Variants in KCNIP1 observed in about 807,000 individuals in gnomAD.
KCNIP1 encodes the protein potassium voltage-gated channel interacting protein 1.
KCNIP1 carries 18 observed loss-of-function variants against 33.0 expected under a neutral mutation model. The observed-to-expected ratio is 0.55, with a 90% CI of 0.38 to 0.81. KCNIP1 has a LOEUF of 0.81. Among genes scored for constraint, KCNIP1 ranks in the 30% least tolerant of loss-of-function variants. The probability of loss-of-function intolerance (pLI) is 0.00; values close to 1 mark genes in which losing one functional copy is unlikely to be tolerated. For missense variants in KCNIP1, 238 were observed against 271.6 expected (o/e 0.88, Z 0.87); for synonymous variants, 93 against 98.3 (o/e 0.95, Z 0.32).
intron 1 of KCNIP1, among the ~76,000 whole-genome samples, chr5:170,527,548 C>T (rs1755626453): frequency 6.6e-6 from 1 of 151,776 alleles, no homozygotes; most frequent in Non-Finnish European, 1.5e-5. Flanking sequence ...GCCAAGTGCA[C>T]CCATCAGCCA....
At chr5:170,405,191 G>T (rs1312147743) in intron 1 of KCNIP1, among the ~76,000 whole-genome samples, 3 of 144,344 alleles carry the variant, frequency 2.1e-5, no homozygotes, top group Non-Finnish European at 4.6e-5. Flanking sequence ...AGAGAAAAGG[G>T]ATTTTCTTTT....
At chr5:170,669,382 C>T in intron 1 of KCNIP1, 1 of 233,916 alleles carries the variant, frequency 4.3e-6, no homozygotes, top group Non-Finnish European at 7.0e-6. Flanking sequence ...AATGTATACA[C>T]TACTACTCAC....
In KCNIP1 at chr5:170,504,730, C is replaced by A; in HGVS notation, c.61+97C>A. 1 of 1,032,856 alleles carries A rather than the reference C, an allele frequency of 9.7e-7. No homozygotes were observed. Among genetic ancestry groups the A allele is most frequent in the Non-Finnish European group, 1.5e-6 (1 of 659,838 alleles). 64.0% of individuals were successfully genotyped at this position (1,032,856 alleles called of 1,614,324 possible). ...CCTGCCTCCCTTAGTCCGGACTCTC[C>A]TCTCCACGAGGAGCCCGGACAGGTG... On this transcript the variant is annotated intron_variant, in intron 1 of 7. Coordinates refer to ENST00000328939, the MANE Select transcript of KCNIP1 (RefSeq NM_014592.4). This position sits in a 1 kb window ranked among gnomAD's most constrained non-coding sequence, Gnocchi z 6.0.
At position 170,426,992 on chromosome 5, in the gene KCNIP1, G is replaced by C. The variant is rs111953013; in HGVS notation, c.88+73028G>C. Reference sequence around the variant, plus strand: ...GGACCAGCTCCACAGGGAGAGGGAAGAGGCCTCCTTTCAGGGGTGGGGAGC... The same window carrying C: ...GGACCAGCTCCACAGGGAGAGGGAACAGGCCTCCTTTCAGGGGTGGGGAGC... On this transcript the variant is annotated intron_variant, in intron 1 of 7. Coordinates refer to the KCNIP1 transcript ENST00000377360. Among the ~76,000 whole-genome samples the C allele has an allele frequency of 1.1e-3, 174 of 152,376 alleles. 1 individual carries two copies. Among genetic ancestry groups the C allele is most frequent in the African/African-American group, 3.9e-3 (163 of 41,600 alleles).
intron 1 of KCNIP1, among the ~76,000 whole-genome samples, chr5:170,402,701 G>A (rs980944273): frequency 6.6e-6 from 1 of 152,168 alleles, no homozygotes; most frequent in Admixed American, 6.5e-5. Flanking sequence ...CAGCTGCAAG[G>A]GAGTCTGGGA....
At chr5:170,492,062 A>G (rs755300387) in intron 1 of KCNIP1, among the ~76,000 whole-genome samples, 1 of 152,072 alleles carries the variant, frequency 6.6e-6, no homozygotes, top group Non-Finnish European at 1.5e-5. Flanking sequence ...CAACAATTCA[A>G]TCCAGTTCTG....
At chr5:170,405,185 A>G (rs1755002710) in intron 1 of KCNIP1, among the ~76,000 whole-genome samples, 1 of 147,300 alleles carries the variant, frequency 6.8e-6, no homozygotes, top group East Asian at 2.0e-4. Context: ...CCACAGAGAG[A>G]AAAGGGATTT....
chr5:170,677,298 A>C (rs578011885), intron 1 of KCNIP1, among the ~76,000 whole-genome samples: 2 of 152,186 alleles, frequency 1.3e-5, no homozygotes, highest in Non-Finnish European at 2.9e-5. Flanking sequence ...TTAAGAGTCA[A>C]TGTAGGCTTC....
At chr5:170,561,406 C>T (rs1057038422) in intron 1 of KCNIP1, among the ~76,000 whole-genome samples, 1 of 152,170 alleles carries the variant, frequency 6.6e-6, no homozygotes, top group African/African-American at 2.4e-5. Flanking sequence ...AGGGGGAGGA[C>T]TCTTGGAACA....
chr5:170,515,579 A>T (rs1198535265), intron 1 of KCNIP1, among the ~76,000 whole-genome samples: 2 of 152,244 alleles, frequency 1.3e-5, no homozygotes, highest in Admixed American at 6.5e-5. Context: ...ACTTGGTTTT[A>T]TGTAAGCCTT....
intron 1 of KCNIP1, among the ~76,000 whole-genome samples, chr5:170,583,259 C>G (rs1757864971): frequency 1.3e-5 from 2 of 152,230 alleles, no homozygotes; most frequent in Non-Finnish European, 2.9e-5. Flanking sequence ...CCACTAGCAT[C>G]TAAGTTTATC....
chr5:170,513,720 A>G (rs538434957), intron 1 of KCNIP1, among the ~76,000 whole-genome samples: 2 of 152,240 alleles, frequency 1.3e-5, no homozygotes, highest in African/African-American at 4.8e-5. Flanking sequence ...GATAATGTTC[A>G]GAATCCCAGA....
At chr5:170,515,281 G>A (rs1185061513) in intron 1 of KCNIP1, among the ~76,000 whole-genome samples, 1 of 152,114 alleles carries the variant, frequency 6.6e-6, no homozygotes, top group Admixed American at 6.5e-5. Flanking sequence ...ATCTTCTCAG[G>A]GACCCTCTGT....
chr5:170,465,108 C>G (rs1236296522), intron 1 of KCNIP1, among the ~76,000 whole-genome samples: 1 of 152,204 alleles, frequency 6.6e-6, no homozygotes, highest in African/African-American at 2.4e-5. Flanking sequence ...CTGGGACATG[C>G]TGGACGCTGG....
intron 1 of KCNIP1, among the ~76,000 whole-genome samples, chr5:170,618,768 C>G (rs1488747424): frequency 1.3e-5 from 2 of 152,168 alleles, no homozygotes; most frequent in South Asian, 2.1e-4. Context: ...TGGTGTGTCT[C>G]TCACTACTGT....
intron 1 of KCNIP1, among the ~76,000 whole-genome samples, chr5:170,600,696 G>C (rs1475811014): frequency 6.6e-6 from 1 of 152,142 alleles, no homozygotes; most frequent in Non-Finnish European, 1.5e-5. Context: ...CATTCAGTAG[G>C]CAGGTACTAT....
At chr5:170,640,472 CCA>C (rs1760497276) in intron 1 of KCNIP1, among the ~76,000 whole-genome samples, 1 of 152,132 alleles carries the variant, frequency 6.6e-6, no homozygotes, top group African/African-American at 2.4e-5. Flanking sequence ...GCTGTGTGCC[CCA>C]GATGATGGTG....
intron 1 of KCNIP1, among the ~76,000 whole-genome samples, chr5:170,633,249 G>T (rs374886277): frequency 1.3e-5 from 2 of 152,126 alleles, no homozygotes; most frequent in African/African-American, 4.8e-5. Flanking sequence ...GGAGGAGGAC[G>T]CTGGTCAGGG....
chr5:170,487,229 C>A (rs1757116736), intron 1 of KCNIP1, among the ~76,000 whole-genome samples: 1 of 152,108 alleles, frequency 6.6e-6, no homozygotes, highest in Non-Finnish European at 1.5e-5. Context: ...CAGTCTTTTT[C>A]CCTGAAGGCC....
Sources: gnomAD v4.1 joint callset for allele counts (sites outside exome capture counted in the v4.1 genomes callset) on GRCh38, gnomAD v4.1.1 for gene constraint, Gnocchi (gnomAD v3.1) non-coding constraint, MANE v1.5 for transcripts, NCBI Gene and HGNC (gene_info 2026-07-23, HGNC 2026-07-21) for gene names.